ARHGAP39: variants seen among roughly 807,000 people sequenced by gnomAD.
ARHGAP39 encodes rho GTPase-activating protein 39.
In ARHGAP39, 44 loss-of-function variants were observed where a neutral mutation model predicts 106.9. That is an observed-to-expected ratio of 0.41 (90% CI 0.32 to 0.53). The LOEUF (loss-of-function observed/expected upper bound fraction) is 0.53, where lower values mean the gene tolerates loss of function less well. ARHGAP39 is among the 20% of genes least tolerant of loss of function. The probability of loss-of-function intolerance (pLI) is 0.21; values close to 1 mark genes in which losing one functional copy is unlikely to be tolerated. For synonymous variants in ARHGAP39, 768 were observed against 693.2 expected, an observed-to-expected ratio of 1.11 and a Z score of -1.69; for missense variants, 1,496 against 1,577.3, an observed-to-expected ratio of 0.95 and a Z score of 0.87.
intron 1 of ARHGAP39, among the ~76,000 whole-genome samples, chr8:144,664,921 G>A (rs556618784): frequency 6.6e-5 from 10 of 152,286 alleles, no homozygotes; most frequent in South Asian, 2.1e-4. Context: ...ATGTGGAAAC[G>A]ACTTTGGAAA....
intron 1 of ARHGAP39, among the ~76,000 whole-genome samples, chr8:144,664,663 T>C (rs147882076): frequency 1.1e-3 from 168 of 152,300 alleles, no homozygotes; most frequent in African/African-American, 3.5e-3. Context: ...ATTCTCGCGA[T>C]AGTGAATAAG....
At position 144,547,900 on chromosome 8, in the gene ARHGAP39, G is replaced by A. The variant is rs1218993898; in HGVS notation, c.1186C>T (p.Arg396Trp). 3.8e-6 allele frequency: 6 copies of A among 1,583,518 alleles called. No homozygotes were observed. Among genetic ancestry groups the A allele is most frequent in the Non-Finnish European group, 5.1e-6 (6 of 1,165,680 alleles). ...GCCTGCTCCACGTAGACCAGCTGCC[G>A]CACGTACTCCTTGCCGGCGGGACTG... ...EYSPAGKEYV[R>W]QLVYVEQAGS... is the part of the protein sequence containing the mutation. The change falls in exon 5 of 12, where the codon CGG becomes TGG. Residue 396 changes from arginine (R) to tryptophan (W), a missense_variant. Physicochemically the swap from Arg to Trp is moderately radical, Grantham distance 101. Around this residue, in one of 4 missense-constraint regions of ARHGAP39, gnomAD observed 905 missense variants for 816.4 expected, o/e 1.11. Coordinates refer to ENST00000377307, the MANE Select transcript of ARHGAP39 (RefSeq NM_025251.3). This position sits in a 1 kb window ranked among gnomAD's most constrained non-coding sequence, Gnocchi z 5.2.
intron 3 of ARHGAP39, among the ~76,000 whole-genome samples, chr8:144,564,679 T>A (rs1818325709): frequency 6.6e-6 from 1 of 152,056 alleles, no homozygotes; most frequent in Non-Finnish European, 1.5e-5. Flanking sequence ...TTATGATGTC[T>A]GAGAGGAAAA....
chr8:144,658,848 AAC>A (rs1212940003), intron 1 of ARHGAP39, among the ~76,000 whole-genome samples: 7 of 152,218 alleles, frequency 4.6e-5, no homozygotes, highest in African/African-American at 1.7e-4. Flanking sequence ...AAAAAATTAA[AAC>A]ATTAAATATT....
intron 1 of ARHGAP39, among the ~76,000 whole-genome samples, chr8:144,619,755 AGT>A (rs1304106295): frequency 7.2e-6 from 1 of 138,426 alleles, no homozygotes; most frequent in Non-Finnish European, 1.6e-5. Context: ...TGTGTACCTC[AGT>A]GTGTGCCCGT....
rs1821447036 is a variant in ARHGAP39 at position 144,646,476 on chromosome 8, A to C, written c.-82+39210T>G. On this transcript the variant is annotated intron_variant, in intron 1 of 11. Transcript: ENST00000377307. The surrounding 1 kb of genome is among the most constrained non-coding windows in gnomAD (Gnocchi z 5.7). ...TAAAAAATCACCAAAAAAAGTGTGG[A>C]GAAAATAGAAAGAAATGAGGAATAG... Among the ~76,000 whole-genome samples, 1 of 152,172 alleles carries C rather than the reference A, an allele frequency of 6.6e-6. No homozygotes were observed. The highest frequency in any genetic ancestry group is 2.4e-5 in the African/African-American group (1 of 41,422).
intron 1 of ARHGAP39, among the ~76,000 whole-genome samples, chr8:144,628,576 C>T (rs966243766): frequency 3.9e-5 from 6 of 152,126 alleles, no homozygotes; most frequent in African/African-American, 4.8e-5. Context: ...GATTTAAAAC[C>T]GTCTCTCTCG....
chr8:144,564,271 T>C (rs931608091), intron 3 of ARHGAP39, among the ~76,000 whole-genome samples: 2 of 152,154 alleles, frequency 1.3e-5, no homozygotes, highest in African/African-American at 4.8e-5. Flanking sequence ...GCCAACTCCT[T>C]TTGGTTTCTC....
At chr8:144,680,492 G>C (rs866311968) in intron 1 of ARHGAP39, among the ~76,000 whole-genome samples, 5 of 152,188 alleles carry the variant, frequency 3.3e-5, no homozygotes, top group African/African-American at 1.2e-4. Flanking sequence ...CTGGAGTACG[G>C]GTTAGGCCTT....
chr8:144,687,915 C>T (rs955631319), upstream of ARHGAP39, among the ~76,000 whole-genome samples: 85 of 135,378 alleles, frequency 6.3e-4, no homozygotes, highest in African/African-American at 2.3e-3. Context: ...TGACCACACA[C>T]TGGCGGTGAG....
chr8:144,595,735 C>T (rs1021317876), intron 2 of ARHGAP39, among the ~76,000 whole-genome samples: 2 of 152,048 alleles, frequency 1.3e-5, no homozygotes, highest in East Asian at 1.9e-4. Context: ...GAGCTCCAGC[C>T]GCCACAGCTG....
chr8:144,629,793 C>T (rs1246824635), intron 1 of ARHGAP39, among the ~76,000 whole-genome samples: 1 of 151,956 alleles, frequency 6.6e-6, no homozygotes, highest in African/African-American at 2.4e-5. Context: ...TGGGTGGTGG[C>T]CGGGGGACTT....
At chr8:144,695,058 C>T in the ARHGAP39 span, among the ~76,000 whole-genome samples, 1 of 149,666 alleles carries the variant, frequency 6.7e-6, no homozygotes, top group Non-Finnish European at 1.5e-5. Flanking sequence ...ATCTATCAAT[C>T]TATCATCCAT....
intron 1 of ARHGAP39, among the ~76,000 whole-genome samples, chr8:144,667,376 C>T (rs747279955): frequency 6.6e-5 from 10 of 152,150 alleles, no homozygotes; most frequent in Non-Finnish European, 1.2e-4. Flanking sequence ...TGACTGAGGC[C>T]CACCTGACCC....
intron 1 of ARHGAP39, among the ~76,000 whole-genome samples, chr8:144,612,782 G>A (rs1275854489): frequency 6.6e-6 from 1 of 151,932 alleles, no homozygotes; most frequent in Non-Finnish European, 1.5e-5. Context: ...TCCAGCCAGG[G>A]GGATAGAGTG....
At chr8:144,572,781 GA>G (rs1818630498) in intron 3 of ARHGAP39, among the ~76,000 whole-genome samples, 1 of 151,968 alleles carries the variant, frequency 6.6e-6, no homozygotes, top group Non-Finnish European at 1.5e-5. Context: ...AAATTTACAA[GA>G]AAAAAACAAC....
the ARHGAP39 span, among the ~76,000 whole-genome samples, chr8:144,694,216 C>T: frequency 6.6e-6 from 1 of 152,214 alleles, no homozygotes; most frequent in East Asian, 1.9e-4. Flanking sequence ...GGGGCAGGGG[C>T]CAGGTGGTGG....
In ARHGAP39 at chr8:144,580,853, T is replaced by C; in HGVS notation, c.505A>G (p.Ser169Gly). The C allele has an allele frequency of 1.3e-6, 2 of 1,489,648 alleles. No individual in the cohort carries two copies. Among genetic ancestry groups the C allele is most frequent in the East Asian group, 2.5e-5 (1 of 39,522 alleles). 92.3% of individuals were successfully genotyped at this position (1,489,648 alleles called of 1,614,324 possible). ...AGCTGCCCCCGCCCTCACCTGCCGC[T>C]GTCCTCCTTCACTGTCCCAAACGCC... Reference protein sequence around the residue: ...PAAFGTVKEDSGSSSPPGVFL... With the variant: ...PAAFGTVKEDGGSSSPPGVFL... The change falls in exon 3 of 12, where the codon AGC becomes GGC. Residue 169 changes from serine (S) to glycine (G), a missense_variant. By Grantham distance (56) the Ser-to-Gly change is moderately conservative (BLOSUM62 0). This residue lies in a region of ARHGAP39 where 905 missense variants were observed against 816.4 expected (regional missense o/e 1.11). Coordinates refer to ENST00000377307, the MANE Select transcript of ARHGAP39 (RefSeq NM_025251.3).
Position 144,679,847 on chromosome 8 carries a change from G to A in ARHGAP39, c.-82+5839C>T, listed in dbSNP as rs566363459. ...CACAAAAAATTAGCCGGGCATGGTG[G>A]TAGGCACCTGTAGTCCCAGTTACTT... On this transcript the variant is annotated intron_variant, in intron 1 of 11. Transcript: ENST00000377307. The surrounding 1 kb of genome is among the most constrained non-coding windows in gnomAD (Gnocchi z 4.7). Among the ~76,000 whole-genome samples, 31 of 152,278 alleles carry A rather than the reference G, an allele frequency of 2.0e-4. No homozygotes were observed. The highest frequency in any genetic ancestry group is 7.5e-4 in the African/African-American group (31 of 41,564).
Sources: gnomAD v4.1 joint callset for allele counts (sites outside exome capture counted in the v4.1 genomes callset) on GRCh38, gnomAD v4.1.1 for gene constraint, gnomAD v4.1.1 regional missense constraint, Gnocchi (gnomAD v3.1) non-coding constraint, MANE v1.5 for transcripts, NCBI Gene and HGNC (gene_info 2026-07-23, HGNC 2026-07-21) for gene names.